The following PTPRD variants were observed in gnomAD, a reference collection of about 807,000 sequenced individuals.
The protein encoded by PTPRD is protein tyrosine phosphatase receptor type D.
Under a neutral mutation model 214.5 loss-of-function variants are expected in PTPRD, and 34 were observed. The observed-to-expected ratio is 0.16, with a 90% CI of 0.12 to 0.21. The LOEUF (loss-of-function observed/expected upper bound fraction) is 0.21, where lower values mean the gene tolerates loss of function less well. PTPRD is among the 10% of genes least tolerant of loss of function. The pLI is 1.00. For synonymous variants in PTPRD, 1,128 were observed against 845.7 expected (o/e 1.33, Z -5.79); for missense variants, 2,545 against 2,398.7 (o/e 1.06, Z -1.27).
At chr9:10,507,208 G>A (rs1002092517) in intron 2 of PTPRD, among the ~76,000 whole-genome samples, 2 of 152,030 alleles carry the variant, frequency 1.3e-5, no homozygotes, top group Non-Finnish European at 2.9e-5. Flanking sequence ...TTGCTTCAAA[G>A]AGAATAAAAT....
chr9:10,022,844 C>A (rs970168203), intron 4 of PTPRD, among the ~76,000 whole-genome samples: 1 of 152,150 alleles, frequency 6.6e-6, no homozygotes, highest in African/African-American at 2.4e-5. Context: ...AATAATTCAA[C>A]ATTATAGAGC....
chr9:10,410,270 T>TATATATATATATAC (rs532202941), intron 2 of PTPRD, among the ~76,000 whole-genome samples: 1 of 139,850 alleles, frequency 7.2e-6, no homozygotes, highest in African/African-American at 2.6e-5. Context: ...TATATATATA[T>TATATATATATATAC]ACACACACAC....
intron 2 of PTPRD, among the ~76,000 whole-genome samples, chr9:10,393,669 C>G (rs1416237270): frequency 6.8e-6 from 1 of 146,590 alleles, no homozygotes; most frequent in East Asian, 2.0e-4. Flanking sequence ...GAGAGAGAGA[C>G]ACTCTATTGG....
At chr9:8,746,095 ATT>A (rs35333686) in intron 11 of PTPRD, among the ~76,000 whole-genome samples, 10,739 of 146,976 alleles carry the variant, frequency 0.073, 1,015 homozygotes, top group African/African-American at 0.22. Flanking sequence ...TGCCCAATCG[ATT>A]TTTTTTTTTT....
At chr9:9,640,125 A>C (rs2095890102) in intron 7 of PTPRD, among the ~76,000 whole-genome samples, 1 of 152,216 alleles carries the variant, frequency 6.6e-6, no homozygotes, top group South Asian at 2.1e-4. Context: ...ACCTTGATCA[A>C]ACCTTGATTC....
At chr9:9,790,766 G>T (rs1212894003) in intron 5 of PTPRD, among the ~76,000 whole-genome samples, 1 of 152,120 alleles carries the variant, frequency 6.6e-6, no homozygotes, top group Non-Finnish European at 1.5e-5. Context: ...ATTGTCTAAT[G>T]AATCTCTTCA....
At chr9:9,692,333 T>C (rs1449831412) in intron 7 of PTPRD, among the ~76,000 whole-genome samples, 1 of 152,046 alleles carries the variant, frequency 6.6e-6, no homozygotes, top group African/African-American at 2.4e-5. Flanking sequence ...AAAGTTTCAT[T>C]CTTCTGCATA....
At chr9:9,317,031 T>C (rs1429073424) in intron 9 of PTPRD, among the ~76,000 whole-genome samples, 1 of 152,176 alleles carries the variant, frequency 6.6e-6, no homozygotes, top group Non-Finnish European at 1.5e-5. Context: ...TCAAGTGTTC[T>C]CTGGTCTTTT....
chr9:8,746,838 C>A (rs1470998072), intron 11 of PTPRD, among the ~76,000 whole-genome samples: 1 of 152,064 alleles, frequency 6.6e-6, no homozygotes, highest in Non-Finnish European at 1.5e-5. Flanking sequence ...TAAAAACAAA[C>A]AAACAAAATT....
chr9:9,178,964 T>A (rs754450152), intron 10 of PTPRD, among the ~76,000 whole-genome samples: 9 of 152,110 alleles, frequency 5.9e-5, no homozygotes, highest in Non-Finnish European at 1.3e-4. Flanking sequence ...GAGACCTGAA[T>A]ATGTTCCTGC....
chr9:10,491,302 T>G (rs2040141191), intron 2 of PTPRD, among the ~76,000 whole-genome samples: 1 of 152,156 alleles, frequency 6.6e-6, no homozygotes, highest in African/African-American at 2.4e-5. Flanking sequence ...CACCTTTCTT[T>G]TCATTGAGGA....
chr9:8,368,816 G>A (rs1466028022), intron 39 of PTPRD, among the ~76,000 whole-genome samples: 2 of 151,510 alleles, frequency 1.3e-5, no homozygotes, highest in Non-Finnish European at 2.9e-5. Flanking sequence ...CATAAACTAC[G>A]CATTTGCTTC....
chr9:8,759,968 G>C (rs1056099324), intron 11 of PTPRD, among the ~76,000 whole-genome samples: 1 of 152,194 alleles, frequency 6.6e-6, no homozygotes. Flanking sequence ...GACAAAGTTT[G>C]TCTGTGTCCC....
At chr9:9,608,599 A>C (rs2094330851) in intron 7 of PTPRD, among the ~76,000 whole-genome samples, 1 of 152,210 alleles carries the variant, frequency 6.6e-6, no homozygotes, top group Non-Finnish European at 1.5e-5. Flanking sequence ...TAGAAGAACA[A>C]AATGTCATCC....
intron 7 of PTPRD, among the ~76,000 whole-genome samples, chr9:9,614,880 T>C (rs544917859): frequency 6.6e-6 from 1 of 152,246 alleles, no homozygotes; most frequent in African/African-American, 2.4e-5. Context: ...ACTTACCAAT[T>C]TATTGCCTCA....
At chr9:9,512,570 C>G (rs890163486) in intron 8 of PTPRD, among the ~76,000 whole-genome samples, 1 of 151,832 alleles carries the variant, frequency 6.6e-6, no homozygotes, top group Admixed American at 6.6e-5. Flanking sequence ...TAATAACTAT[C>G]TTTTCTCATT....
chr9:8,500,050 C>CA (rs34424655), intron 24 of PTPRD, among the ~76,000 whole-genome samples: 2,570 of 78,196 alleles, frequency 0.033, 58 homozygotes, highest in African/African-American at 0.075. Context: ...ATGACCGATG[C>CA]AAAAAAAAAA....
chr9:10,230,068 G>A (rs1183583331), intron 3 of PTPRD, among the ~76,000 whole-genome samples: 2 of 151,970 alleles, frequency 1.3e-5, no homozygotes. Context: ...ATAAGCTGGT[G>A]CATTAGTCAG....
intron 9 of PTPRD, among the ~76,000 whole-genome samples, chr9:9,270,166 G>A (rs906169712): frequency 6.6e-6 from 1 of 150,964 alleles, no homozygotes; most frequent in Non-Finnish European, 1.5e-5. Context: ...CAAATTATAC[G>A]TAAAACAAAA....
Sources: allele counts gnomAD v4.1 joint callset (sites outside exome capture counted in the v4.1 genomes callset), GRCh38; gene constraint gnomAD v4.1.1; transcripts MANE v1.5; gene names NCBI Gene and HGNC (gene_info 2026-07-23, HGNC 2026-07-21).